The following ARL6IP6 variants were observed in gnomAD, a reference collection of about 807,000 sequenced individuals.
ARL6IP6 encodes ARF like GTPase 6 interacting protein 6.
A neutral mutation model predicts 21.5 loss-of-function variants in ARL6IP6; 22 were observed. The observed-to-expected ratio is 1.02, with a 90% CI of 0.73 to 1.46. The LOEUF is 1.46. Among genes scored for constraint, ARL6IP6 ranks in the 40% most tolerant of loss-of-function variants. The pLI, the probability that ARL6IP6 is intolerant of heterozygous loss-of-function variation, is 0.00. For missense variants in ARL6IP6, 388 were observed against 299.8 expected (o/e 1.29, Z -2.17); for synonymous variants, 164 against 125.3 (o/e 1.31, Z -2.06).
intron 3 of ARL6IP6, among the ~76,000 whole-genome samples, chr2:152,757,816 C>T (rs867203826): frequency 6.6e-6 from 1 of 152,180 alleles, no homozygotes; most frequent in Non-Finnish European, 1.5e-5. Context: ...AGCATTTTTT[C>T]ATTGCCATTA....
At chr2:152,726,977 G>T (rs1046091737) in intron 2 of ARL6IP6, among the ~76,000 whole-genome samples, 1 of 152,058 alleles carries the variant, frequency 6.6e-6, no homozygotes, top group South Asian at 2.1e-4. Flanking sequence ...TATGTTACTG[G>T]TTTATGTATT....
At chr2:152,720,640 GA>G in intron 2 of ARL6IP6, 54 bp downstream of exon 2, 1 of 1,487,572 alleles carries the variant, frequency 6.7e-7, no homozygotes, top group South Asian at 1.1e-5. Flanking sequence ...TGTGTTTCTA[GA>G]TCATGTTTGA....
intron 2 of ARL6IP6, among the ~76,000 whole-genome samples, chr2:152,729,822 T>G (rs540842568): frequency 4.6e-4 from 70 of 152,312 alleles, no homozygotes; most frequent in Non-Finnish European, 8.8e-4. Context: ...AGGAATGAAA[T>G]TGGCAAACTG....
At chr2:152,738,997 T>G (rs1008982961) in intron 3 of ARL6IP6, among the ~76,000 whole-genome samples, 3 of 151,940 alleles carry the variant, frequency 2.0e-5, no homozygotes, top group Non-Finnish European at 4.4e-5. Context: ...TTTTTTTTTT[T>G]TGGGAGATGG....
chr2:152,718,511 C>G (rs946930031), upstream of ARL6IP6: 5 of 1,434,324 alleles, frequency 3.5e-6, no homozygotes, highest in African/African-American at 2.9e-5. Flanking sequence ...GTGGTTTACC[C>G]CTGGGCTCTG....
intron 2 of ARL6IP6, among the ~76,000 whole-genome samples, chr2:152,729,812 A>G (rs1700219281): frequency 6.6e-6 from 1 of 152,238 alleles, no homozygotes; most frequent in African/African-American, 2.4e-5. Flanking sequence ...GATCACTTTT[A>G]GGAATGAAAT....
At chr2:152,739,619 A>G (rs944815908) in intron 3 of ARL6IP6, among the ~76,000 whole-genome samples, 1 of 152,102 alleles carries the variant, frequency 6.6e-6, no homozygotes, top group African/African-American at 2.4e-5. Flanking sequence ...TGCACCCTCC[A>G]AACTATTTCA....
At chr2:152,726,026 ATAAATT>A (rs2105099533) in intron 2 of ARL6IP6, among the ~76,000 whole-genome samples, 1 of 152,340 alleles carries the variant, frequency 6.6e-6, no homozygotes, top group Non-Finnish European at 1.5e-5. Flanking sequence ...AGAGGAGAAT[ATAAATT>A]TAACAGGATT....
chr2:152,723,950 G>T (rs1051042512), intron 2 of ARL6IP6, among the ~76,000 whole-genome samples: 6 of 151,524 alleles, frequency 4.0e-5, no homozygotes, highest in Non-Finnish European at 7.4e-5. Flanking sequence ...TTTATAATTT[G>T]AACCTATACT....
chr2:152,756,895 A>C (rs1236352823), intron 3 of ARL6IP6, among the ~76,000 whole-genome samples: 1 of 152,188 alleles, frequency 6.6e-6, no homozygotes, highest in Admixed American at 6.5e-5. Flanking sequence ...CTTGTAACTC[A>C]GCAGTTCTAC....
chr2:152,718,525 C>T, upstream of ARL6IP6: 1 of 1,470,326 alleles, frequency 6.8e-7, no homozygotes, highest in Non-Finnish European at 9.0e-7. Flanking sequence ...GGCTCTGAGG[C>T]CTGGTGGTAG....
intron 3 of ARL6IP6, among the ~76,000 whole-genome samples, chr2:152,755,983 C>T (rs1274684898): frequency 1.3e-5 from 2 of 152,082 alleles, no homozygotes; most frequent in African/African-American, 4.8e-5. Flanking sequence ...TATTTTATAT[C>T]TTAGTAGACT....
chr2:152,718,301 T>TGGCGGAGGTCTCCGGCCGGGAC (rs1699320834), upstream of ARL6IP6: 4 of 283,334 alleles, frequency 1.4e-5, no homozygotes, highest in South Asian at 5.3e-4. Flanking sequence ...GACGCGGGGG[T>TGGCGGAGGTCTCCGGCCGGGAC]GGCGGAGGTC....
intron 2 of ARL6IP6, among the ~76,000 whole-genome samples, chr2:152,723,885 T>TA (rs2105092431): frequency 6.6e-6 from 1 of 152,290 alleles, no homozygotes; most frequent in Admixed American, 6.5e-5. Flanking sequence ...GTTTCATCCT[T>TA]ACAATGAAAA....
chr2:152,717,988 C>A (rs1452410967), upstream of ARL6IP6: 2 of 998,700 alleles, frequency 2.0e-6, no homozygotes, highest in African/African-American at 1.7e-5. Flanking sequence ...GATCTCCGTA[C>A]GCACCAGGTG....
At chr2:152,741,606 A>G (rs1456085348) in intron 3 of ARL6IP6, among the ~76,000 whole-genome samples, 1 of 152,202 alleles carries the variant, frequency 6.6e-6, no homozygotes, top group African/African-American at 2.4e-5. Context: ...TTGAGATTAG[A>G]AATAAAAGCA....
At chr2:152,741,901 T>G (rs1700827051) in intron 3 of ARL6IP6, among the ~76,000 whole-genome samples, 1 of 152,216 alleles carries the variant, frequency 6.6e-6, no homozygotes, top group African/African-American at 2.4e-5. Flanking sequence ...TCCAGTAGAC[T>G]GGATGGAAAG....
At chr2:152,735,153 T>A in intron 3 of ARL6IP6, 27 bp downstream of exon 3, 1 of 1,610,612 alleles carries the variant, frequency 6.2e-7, no homozygotes, top group Non-Finnish European at 8.5e-7. Context: ...CCTGTTTCTT[T>A]TTTAAATGCA....
At position 152,760,099 on chromosome 2, in the gene ARL6IP6, T is replaced by C; in HGVS notation, c.*259T>C. 3.4e-6 allele frequency: 1 copy of C among 291,412 alleles called. No individual in the cohort carries two copies. Among genetic ancestry groups the C allele is most frequent in the Non-Finnish European group, 6.4e-6 (1 of 155,900 alleles). The allele number at this position is 291,412 out of a possible 1,614,324, so 18.1% of individuals were successfully genotyped here. A position where few individuals can be genotyped will look rare whatever the true frequency, so the allele number is the denominator to read the frequency against. On this transcript the variant is annotated 3_prime_UTR_variant, in exon 4 of 4. Transcript: ENST00000326446. ...AGTATAAGATGTTTACCTCATCTTT[T>C]TACTTTTGTGTGTGTAGTTCTTTCA...
Sources: allele counts gnomAD v4.1 joint callset (sites outside exome capture counted in the v4.1 genomes callset), GRCh38; gene constraint gnomAD v4.1.1; transcripts MANE v1.5; gene names NCBI Gene and HGNC (gene_info 2026-07-23, HGNC 2026-07-21).